The following FLYWCH2 variants were observed in gnomAD, a reference collection of about 807,000 sequenced individuals.
FLYWCH2 encodes FLYWCH family member 2.
A neutral mutation model predicts 6.0 loss-of-function variants in FLYWCH2; 2 were observed. The ratio of observed to expected loss-of-function variants is 0.33; its 90% CI spans 0.14 to 1.04. FLYWCH2 has a LOEUF of 1.04. Ranked by LOEUF, FLYWCH2 falls within the 50% of genes least tolerant of loss-of-function variation. The pLI, the probability that FLYWCH2 is intolerant of heterozygous loss-of-function variation, is 0.45. For missense variants in FLYWCH2, 192 were observed against 183.4 expected (o/e 1.05, Z -0.27); for synonymous variants, 87 against 79.3 (o/e 1.10, Z -0.52).
intron 1 of FLYWCH2, among the ~76,000 whole-genome samples, chr16:2,889,816 T>C (rs1388963645): frequency 6.6e-6 from 1 of 152,172 alleles, no homozygotes; most frequent in Non-Finnish European, 1.5e-5. Context: ...CTGGGCACAG[T>C]GGCTCACACC....
chr16:2,896,372 G>A lies in FLYWCH2; in HGVS notation c.-78G>A. 6.7e-7 allele frequency: 1 copy of A among 1,496,194 alleles called. No homozygotes were observed. Among genetic ancestry groups the A allele is most frequent in the South Asian group, 1.3e-5 (1 of 75,344 alleles). 92.7% of individuals were successfully genotyped at this position (1,496,194 alleles called of 1,614,324 possible). A position where few individuals can be genotyped will look rare whatever the true frequency, so the allele number is the denominator to read the frequency against. On this transcript the variant is annotated 5_prime_UTR_variant, in exon 3 of 4. Transcript: ENST00000396958. ...CTTAGGACGGAACCGCTGGACTCCA[G>A]GTTCCTTGCCTGGGAGTAGGAGAAA...
At chr16:2,898,426 G>A (rs999035312) in intron 3 of FLYWCH2, among the ~76,000 whole-genome samples, 13 of 152,166 alleles carry the variant, frequency 8.5e-5, no homozygotes, top group African/African-American at 3.1e-4. Flanking sequence ...CAGTCCCCAT[G>A]GCCTGTGGGA....
intron 1 of FLYWCH2, among the ~76,000 whole-genome samples, chr16:2,889,547 A>G (rs754979666): frequency 1.1e-3 from 56 of 52,116 alleles, no homozygotes; most frequent in Middle Eastern, 0.011. Context: ...AGGAAAGACT[A>G]TATTAAAAAA....
At chr16:2,895,601 C>A (rs1442502060) in intron 2 of FLYWCH2, among the ~76,000 whole-genome samples, 2 of 152,188 alleles carry the variant, frequency 1.3e-5, no homozygotes, top group African/African-American at 2.4e-5. Context: ...GGCGACAGAG[C>A]GAGACTCCGT....
Position 2,895,669 on chromosome 16 carries a change from C to T in FLYWCH2, c.-99+349C>T, listed in dbSNP as rs1374857236. Among the ~76,000 whole-genome samples the T allele has an allele frequency of 2.6e-5, 4 of 152,216 alleles. No homozygotes were observed. The South Asian group carries it at 6.2e-4, about 24-fold the overall frequency. Reference sequence around the variant, plus strand: ...GCAGAGGAGCATGTGGGCCTTCAGACGGGGATGTGGCTGGATCTGGTTGTC... The same window carrying T: ...GCAGAGGAGCATGTGGGCCTTCAGATGGGGATGTGGCTGGATCTGGTTGTC... On this transcript the variant is annotated intron_variant, in intron 2 of 3. Coordinates refer to ENST00000396958, the MANE Select transcript of FLYWCH2 (RefSeq NM_138439.3).
chr16:2,893,181 A>C (rs149446676), intron 1 of FLYWCH2, among the ~76,000 whole-genome samples: 2,372 of 152,070 alleles, frequency 0.016, 33 homozygotes, highest in Non-Finnish European at 0.024. Context: ...TTCATTACAT[A>C]GGCATGATTG....
chr16:2,897,058 ACAG>A (rs2069831701), intron 3 of FLYWCH2, among the ~76,000 whole-genome samples: 1 of 152,106 alleles, frequency 6.6e-6, no homozygotes, highest in Non-Finnish European at 1.5e-5. Flanking sequence ...GGCGGGGCCC[ACAG>A]GCAGCTGCCG....
At chr16:2,898,681 G>T in intron 3 of FLYWCH2, 1 of 196,178 alleles carries the variant, frequency 5.1e-6, no homozygotes, top group South Asian at 1.3e-4. Context: ...GGCAGAGCAG[G>T]GCTCCATCAG....
chr16:2,883,673 G>T (rs947707840), intron 1 of FLYWCH2, among the ~76,000 whole-genome samples: 1 of 152,178 alleles, frequency 6.6e-6, no homozygotes, highest in South Asian at 2.1e-4. Context: ...CCCAACCCCC[G>T]CCGGCCTCGT....
At chr16:2,894,442 C>T (rs2069794376) in intron 1 of FLYWCH2, among the ~76,000 whole-genome samples, 1 of 152,122 alleles carries the variant, frequency 6.6e-6, no homozygotes, top group South Asian at 2.1e-4. Flanking sequence ...GAGGGACGTG[C>T]GCCGTAGCCA....
chr16:2,883,894 G>C (rs772249131), intron 1 of FLYWCH2, among the ~76,000 whole-genome samples: 3 of 152,240 alleles, frequency 2.0e-5, no homozygotes, highest in Admixed American at 6.5e-5. Flanking sequence ...CTGAGCCCTG[G>C]TGATTAGGGG....
At chr16:2,898,966 T>G (rs1596340655) in intron 3 of FLYWCH2, 83 bp from the exon 4 acceptor site, 1 of 1,068,974 alleles carries the variant, frequency 9.4e-7, no homozygotes. Context: ...GGGGTGAGAG[T>G]GAGGCCTGGT....
intron 1 of FLYWCH2, among the ~76,000 whole-genome samples, chr16:2,883,826 C>A (rs570706151): frequency 6.6e-6 from 1 of 152,300 alleles, no homozygotes; most frequent in African/African-American, 2.4e-5. Context: ...ACCATTTGGG[C>A]GCAGCCCAGC....
chr16:2,895,921 A>T (rs2069813787), intron 2 of FLYWCH2, among the ~76,000 whole-genome samples: 1 of 152,140 alleles, frequency 6.6e-6, no homozygotes, highest in African/African-American at 2.4e-5. Flanking sequence ...GGCCGTGTGG[A>T]TCACCCTGGC....
At chr16:2,887,098 T>G (rs2069706520) in intron 1 of FLYWCH2, among the ~76,000 whole-genome samples, 1 of 152,034 alleles carries the variant, frequency 6.6e-6, no homozygotes. Context: ...AGTTTTTCTT[T>G]TAAAAAAAAG....
rs76182198 is a variant in FLYWCH2, at chr16:2,899,271, T to C, written c.*122T>C. ...TTAACATTGTGTGATTTCTTTTCTT[T>C]TTTTTTTTTTTTTTAGATCAAGTAT... On this transcript the variant is annotated 3_prime_UTR_variant, in exon 4 of 4. Transcript: ENST00000396958. The C allele has an allele frequency of 3.2e-5, 15 of 472,772 alleles. No individual in the cohort carries two copies. The highest frequency in any genetic ancestry group is 8.6e-5 in the Admixed American group (2 of 23,266). The allele number at this position is 472,772 out of a possible 1,614,324, so 29.3% of individuals were successfully genotyped here. A position where few individuals can be genotyped will look rare whatever the true frequency, so the allele number is the denominator to read the frequency against.
chr16:2,888,486 A>C (rs1243113714), intron 1 of FLYWCH2, among the ~76,000 whole-genome samples: 2 of 37,316 alleles, frequency 5.4e-5, no homozygotes, highest in African/African-American at 9.8e-5. Flanking sequence ...AGTTTCTCCA[A>C]AAAAAAAAAA....
At chr16:2,883,569 C>G (rs1010624093) in intron 1 of FLYWCH2, among the ~76,000 whole-genome samples, 1 of 152,128 alleles carries the variant, frequency 6.6e-6, no homozygotes, top group Non-Finnish European at 1.5e-5. Flanking sequence ...AGTCCCTTGT[C>G]CAAAGCCTCA....
In FLYWCH2 at chr16:2,899,260, T is replaced by A; in HGVS notation, c.*111T>A. On this transcript the variant is annotated 3_prime_UTR_variant, in exon 4 of 4. Coordinates refer to ENST00000396958, the MANE Select transcript of FLYWCH2 (RefSeq NM_138439.3). The stretch of plus-strand genomic sequence containing the variant: ...AATCTTTGCTTTTAACATTGTGTGA[T>A]TTCTTTTCTTTTTTTTTTTTTTTTT... 1 of 510,842 alleles carries A rather than the reference T, an allele frequency of 2.0e-6. No homozygotes were observed. Among genetic ancestry groups the A allele is most frequent in the East Asian group, 3.4e-5 (1 of 29,204 alleles). The allele number at this position is 510,842 out of a possible 1,614,324, so 31.6% of individuals were successfully genotyped here. A position where few individuals can be genotyped will look rare whatever the true frequency, so the allele number is the denominator to read the frequency against.
Sources: gnomAD v4.1 joint callset for allele counts (sites outside exome capture counted in the v4.1 genomes callset) on GRCh38, gnomAD v4.1.1 for gene constraint, MANE v1.5 for transcripts, NCBI Gene and HGNC (gene_info 2026-07-23, HGNC 2026-07-21) for gene names.